The following TDRD6 variants were observed in gnomAD, a reference collection of about 807,000 sequenced individuals.
TDRD6 encodes the protein tudor domain-containing protein 6.
Under a neutral mutation model 157.5 loss-of-function variants are expected in TDRD6, and 186 were observed. The ratio of observed to expected loss-of-function variants is 1.18; its 90% CI spans 1.05 to 1.33. The LOEUF (loss-of-function observed/expected upper bound fraction) is 1.33. TDRD6 is among the 40% of genes most tolerant of loss of function. The pLI, the probability that TDRD6 is intolerant of heterozygous loss-of-function variation, is 0.00. For missense variants in TDRD6, 3,066 were observed against 2,508.0 expected, an observed-to-expected ratio of 1.22 and a Z score of -4.75; for synonymous variants, 1,075 against 945.2, an observed-to-expected ratio of 1.14 and a Z score of -2.52.
At chr6:46,694,521 A>G (rs1764444541) in intron 1 of TDRD6, among the ~76,000 whole-genome samples, 1 of 152,154 alleles carries the variant, frequency 6.6e-6, no homozygotes. Context: ...TATTTGTTTT[A>G]AAGAAAAGAG....
In TDRD6 at chr6:46,691,820, C is replaced by G. The variant is rs1764333650; in HGVS notation, c.3692C>G (p.Thr1231Arg). 1 of 1,602,754 alleles carries G rather than the reference C, an allele frequency of 6.2e-7. No homozygotes were observed. Among genetic ancestry groups the G allele is most frequent in the African/African-American group, 1.4e-5 (1 of 74,034 alleles). The part of the protein sequence containing the change: ...YKELKLLQSL[T>R]KTNLVTQYQD... Reference sequence around the variant, plus strand: ...GAACTCAAACTTTTACAAAGTTTAACAAAAACAAACTTAGTCACTCAATAT... The same window carrying G: ...GAACTCAAACTTTTACAAAGTTTAAGAAAAACAAACTTAGTCACTCAATAT... Residue 1231 changes from threonine (T) to arginine (R), a missense_variant, in exon 1 of 4, where the codon ACA (threonine) becomes AGA (arginine). Physicochemically the swap from Thr to Arg is moderately conservative, Grantham distance 71. Coordinates refer to ENST00000316081, the MANE Select transcript of TDRD6 (RefSeq NM_001010870.3).
rs1764379655 is a variant in TDRD6 at position 46,692,887 on chromosome 6, G to A, written c.4759G>A (p.Ala1587Thr). The A allele has an allele frequency of 6.2e-7, 1 of 1,614,070 alleles. No individual in the cohort carries two copies. The highest frequency in any genetic ancestry group is 8.5e-7 in the Non-Finnish European group (1 of 1,179,986). ...CAGAGAAGATGGACATTATTATAGG[G>A]CACTTATCACTAATATTTGTGAAGA... Reference protein sequence around the residue: ...RYREDGHYYRALITNICEDYL... With the variant: ...RYREDGHYYRTLITNICEDYL... Residue 1587 changes from alanine to threonine, a missense_variant, in exon 1 of 4, where the codon GCA (alanine) becomes ACA (threonine). Transcript: ENST00000316081.
rs148968115 is a variant in TDRD6 at position 46,699,904 on chromosome 6, A to G, written c.6261+1817A>G. ...ATATTTAATAGCTAAATAATGCTGC[A>G]TGACACTAGTGAGCCATAATGTATT... On this transcript the variant is annotated intron_variant, in intron 3 of 3. Coordinates refer to ENST00000316081, the MANE Select transcript of TDRD6 (RefSeq NM_001010870.3). 3.7e-3 allele frequency among the ~76,000 whole-genome samples: 560 copies of G among 152,330 alleles called. 2 individuals are homozygous for G. Among genetic ancestry groups the G allele is most frequent in the African/African-American group, 0.013 (527 of 41,582 alleles).
chr6:46,703,813 A>G lies in TDRD6; in HGVS notation c.*1926A>G, dbSNP rs1405075592. 6.6e-6 allele frequency: 1 copy of G among 152,162 alleles called. No individual in the cohort carries two copies. The highest frequency in any genetic ancestry group is 1.5e-5 in the Non-Finnish European group (1 of 67,992). The allele number at this position is 152,162 out of a possible 1,614,324, so 9.4% of individuals were successfully genotyped here. On this transcript the variant is annotated 3_prime_UTR_variant, in exon 4 of 4. Transcript: ENST00000316081. ...TTCACAGCCTTTGTGTGAGTAACTA[A>G]TGTATTCTAACTGGAATCCCTGCTA...
In TDRD6 at chr6:46,692,711, T is replaced by C; in HGVS notation, c.4583T>C (p.Ile1528Thr). The change falls in exon 1 of 4, where the codon ATA becomes ACA. Residue 1528 changes from isoleucine to threonine, a missense_variant. Physicochemically the swap from Ile to Thr is moderately conservative, Grantham distance 89. Transcript: ENST00000316081. ...KKMIRAYATVIDGPEYFWCQF... is the reference protein window; with the variant it reads ...KKMIRAYATVTDGPEYFWCQF... ...ATGATAAGAGCTTATGCCACTGTGA[T>C]AGATGGACCTGAGTACTTTTGGTGT... The C allele has an allele frequency of 1.9e-6, 3 of 1,614,150 alleles. No individual in the cohort carries two copies. The highest frequency in any genetic ancestry group is 1.7e-6 in the Non-Finnish European group (2 of 1,180,020).
At position 46,703,342 on chromosome 6, in the gene TDRD6, T is replaced by G. The variant is rs1196241643; in HGVS notation, c.*1455T>G. On this transcript the variant is annotated 3_prime_UTR_variant, in exon 4 of 4. Coordinates refer to ENST00000316081, the MANE Select transcript of TDRD6 (RefSeq NM_001010870.3). Reference sequence around the variant, plus strand: ...AAGTAATTGAGGTAGATGAGTATATTACTTATTCCTGGAATAATGAATAGA... The same window carrying G: ...AAGTAATTGAGGTAGATGAGTATATGACTTATTCCTGGAATAATGAATAGA... The G allele has an allele frequency of 6.6e-6, 1 of 152,124 alleles. No individual in the cohort carries two copies. The highest frequency in any genetic ancestry group is 2.4e-5 in the African/African-American group (1 of 41,442). The allele number at this position is 152,124 out of a possible 1,614,324, so 9.4% of individuals were successfully genotyped here.
chr6:46,691,322 T>C lies in TDRD6; in HGVS notation c.3194T>C (p.Val1065Ala), dbSNP rs1276903726. 1.2e-6 allele frequency: 2 copies of C among 1,613,970 alleles called. No homozygotes were observed. Among genetic ancestry groups the C allele is most frequent in the African/African-American group, 1.3e-5 (1 of 74,920 alleles). ...IEKEPKKVFFVDFGNIYVVTS... is the reference protein window; with the variant it reads ...IEKEPKKVFFADFGNIYVVTS... ...AAAGAGCCAAAGAAAGTCTTCTTTG[T>C]TGATTTTGGGAATATTTATGTAGTA... The change falls in exon 1 of 4, where the codon GTT (valine) becomes GCT (alanine). Residue 1065 changes from valine to alanine, a missense_variant. Coordinates refer to ENST00000316081, the MANE Select transcript of TDRD6 (RefSeq NM_001010870.3).
At chr6:46,687,872 G>A (rs1244184828), upstream of TDRD6, 3 of 467,722 alleles carry the variant, frequency 6.4e-6, no homozygotes, top group Admixed American at 8.6e-5. Context: ...GCGGCGCCGA[G>A]TGAGGTAAAT....
In TDRD6 at chr6:46,688,616, G is replaced by T. The variant is rs1206586510; in HGVS notation, c.488G>T (p.Gly163Val). 1 of 1,598,972 alleles carries T rather than the reference G, an allele frequency of 6.3e-7. No individual in the cohort carries two copies. Residue 163 changes from glycine to valine, a missense_variant, in exon 1 of 4, where the codon GGC becomes GTC. Transcript: ENST00000316081. ...DAVDFLSNLQGKEVHGCVLDV... is the reference protein window; with the variant it reads ...DAVDFLSNLQVKEVHGCVLDV... Reference sequence around the variant, plus strand: ...GTGGACTTCCTTAGCAACCTTCAGGGCAAGGAGGTGCACGGGTGCGTCCTG... The same window carrying T: ...GTGGACTTCCTTAGCAACCTTCAGGTCAAGGAGGTGCACGGGTGCGTCCTG...
At chr6:46,684,032 G>A (rs1375740767), upstream of TDRD6, among the ~76,000 whole-genome samples, 1 of 152,092 alleles carries the variant, frequency 6.6e-6, no homozygotes, top group Non-Finnish European at 1.5e-5. Context: ...TGGAAACAGA[G>A]GGTAAATTAT....
the TDRD6 span, among the ~76,000 whole-genome samples, chr6:46,680,657 C>A: frequency 1.3e-5 from 2 of 152,206 alleles, no homozygotes; most frequent in South Asian, 2.1e-4. Flanking sequence ...AAATTAAAAC[C>A]TTTAATGCTA....
intron 3 of TDRD6, among the ~76,000 whole-genome samples, chr6:46,701,514 A>AATG (rs1391797823): frequency 6.6e-6 from 1 of 152,134 alleles, no homozygotes; most frequent in Non-Finnish European, 1.5e-5. Context: ...AAAATCAGCT[A>AATG]ATGGTAGCTT....
chr6:46,693,602 A>C lies in TDRD6; in HGVS notation c.5474A>C (p.Glu1825Ala), dbSNP rs1312983437. Residue 1825 changes from glutamate to alanine, a missense_variant, in exon 1 of 4, where the codon GAA (glutamate) becomes GCA (alanine). Transcript: ENST00000316081. ...GFNTLLPHAN[E>A]TKEILELNSL... ...AACACATTACTACCACATGCTAATG[A>C]AACAAAGGAGATACTAGAACTGAAT... is the stretch of plus-strand genomic sequence containing the variant. 6.2e-7 allele frequency: 1 copy of C among 1,614,240 alleles called. No individual in the cohort carries two copies. Among genetic ancestry groups the C allele is most frequent in the South Asian group, 1.1e-5 (1 of 91,090 alleles).
chr6:46,691,123 T>C lies in TDRD6; in HGVS notation c.2995T>C (p.Trp999Arg). Reference protein sequence around the residue: ...LVYITHIDDPWTFYCQLARNA... With the variant: ...LVYITHIDDPRTFYCQLARNA... Reference sequence around the variant, plus strand: ...TTATATAACGCATATTGATGACCCTTGGACATTTTATTGCCAGCTGGCAAG... The same window carrying C: ...TTATATAACGCATATTGATGACCCTCGGACATTTTATTGCCAGCTGGCAAG... Residue 999 changes from tryptophan to arginine, a missense_variant, in exon 1 of 4, where the codon TGG (tryptophan) becomes CGG (arginine). Physicochemically the swap from Trp to Arg is moderately radical, Grantham distance 101 (BLOSUM62 -3). Transcript: ENST00000316081. 1 of 1,613,992 alleles carries C rather than the reference T, an allele frequency of 6.2e-7. No homozygotes were observed. The highest frequency in any genetic ancestry group is 8.5e-7 in the Non-Finnish European group (1 of 1,179,956).
chr6:46,689,067 G>C lies in TDRD6; in HGVS notation c.939G>C (p.Pro313=). 1 of 1,614,056 alleles carries C rather than the reference G, an allele frequency of 6.2e-7. No individual in the cohort carries two copies. Among genetic ancestry groups the C allele is most frequent in the Non-Finnish European group, 8.5e-7 (1 of 1,179,976 alleles). Residue 313 remains proline, a synonymous_variant, in exon 1 of 4, where the codon CCG becomes CCC. Coordinates refer to ENST00000316081, the MANE Select transcript of TDRD6 (RefSeq NM_001010870.3). ...AGAGGGAGGAGAGCCCAGATAAGCC[G>C]GGCTCTCCGTGTGCATCCTGTGGCC... ...WEEREESPDK[P]GSPCASCGLD...
rs766260767 is a variant in TDRD6 at position 46,692,411 on chromosome 6, A to G, written c.4283A>G (p.Asn1428Ser). ...TTGCAGGGATTTGAGGTTCCTGACA[A>G]TAAAAATTCTAAGAAAATGATGCAT... ...CSLQGFEVPD[N>S]KNSKKMMHYF... is the part of the protein sequence containing the mutation. The change falls in exon 1 of 4, where the codon AAT (asparagine) becomes AGT (serine). Residue 1428 changes from asparagine to serine, a missense_variant. By Grantham distance (46) the Asn-to-Ser change is conservative (BLOSUM62 1). Transcript: ENST00000316081. 1.2e-6 allele frequency: 2 copies of G among 1,614,160 alleles called. No individual in the cohort carries two copies. Among genetic ancestry groups the G allele is most frequent in the Admixed American group, 1.7e-5 (1 of 60,024 alleles).
In TDRD6 at chr6:46,693,562, C is replaced by T; in HGVS notation, c.5434C>T (p.Leu1812=). ...VDKAEFDDKY[L]ITGFNTLLPH... ...CAAAGCAGAGTTTGATGATAAATACCTGATTACAGGATTTAACACATTACT... is the reference window on the plus strand; with the variant it reads ...CAAAGCAGAGTTTGATGATAAATACTTGATTACAGGATTTAACACATTACT... Residue 1812 remains leucine (L), a synonymous_variant, in exon 1 of 4, where the codon CTG becomes TTG. Coordinates refer to ENST00000316081, the MANE Select transcript of TDRD6 (RefSeq NM_001010870.3). 1.9e-6 allele frequency: 3 copies of T among 1,614,084 alleles called. No individual in the cohort carries two copies. The highest frequency in any genetic ancestry group is 2.5e-6 in the Non-Finnish European group (3 of 1,179,992).
chr6:46,691,422 T>C lies in TDRD6; in HGVS notation c.3294T>C (p.Cys1098=). 1 of 1,614,082 alleles carries C rather than the reference T, an allele frequency of 6.2e-7. No individual in the cohort carries two copies. The highest frequency in any genetic ancestry group is 8.5e-7 in the Non-Finnish European group (1 of 1,179,948). The change falls in exon 1 of 4, where the codon TGT becomes TGC. Residue 1098 remains cysteine (C), a synonymous_variant. Coordinates refer to ENST00000316081, the MANE Select transcript of TDRD6 (RefSeq NM_001010870.3). Reference sequence around the variant, plus strand: ...TTTTGCCCATGCAAGCTGTCAGATGTTCATTATCTGATATTCCTGATCATA... The same window carrying C: ...TTTTGCCCATGCAAGCTGTCAGATGCTCATTATCTGATATTCCTGATCATA... The part of the protein sequence containing the change: ...VLLLPMQAVR[C]SLSDIPDHIP...
Position 46,694,129 on chromosome 6 carries a change from A to C in TDRD6, c.6001A>C (p.Ser2001Arg). 6.3e-7 allele frequency: 1 copy of C among 1,595,092 alleles called. No homozygotes were observed. Among genetic ancestry groups the C allele is most frequent in the Non-Finnish European group, 8.5e-7 (1 of 1,171,628 alleles). Reference sequence around the variant, plus strand: ...GCCTTTGTTCTCTGAGGAAGAAAGCAGTGATGGAAGCAAGCACAATAATGG... The same window carrying C: ...GCCTTTGTTCTCTGAGGAAGAAAGCCGTGATGGAAGCAAGCACAATAATGG... ...LMPLFSEEESSDGSKHNNGLP... is the reference protein window; with the variant it reads ...LMPLFSEEESRDGSKHNNGLP... Residue 2001 changes from serine (S) to arginine (R), a missense_variant, in exon 1 of 4, where the codon AGT (serine) becomes CGT (arginine). Ser to Arg is a moderately radical substitution (Grantham distance 110). Coordinates refer to ENST00000316081, the MANE Select transcript of TDRD6 (RefSeq NM_001010870.3).
Sources: gnomAD v4.1 joint callset for allele counts (sites outside exome capture counted in the v4.1 genomes callset) on GRCh38, gnomAD v4.1.1 for gene constraint, MANE v1.5 for transcripts, NCBI Gene and HGNC (gene_info 2026-07-23, HGNC 2026-07-21) for gene names.